Variants in ZCCHC7 observed in about 807,000 individuals in gnomAD.
ZCCHC7 encodes zinc finger CCHC domain-containing protein 7.
A neutral mutation model predicts 52.0 loss-of-function variants in ZCCHC7; 35 were observed. The ratio of observed to expected loss-of-function variants is 0.67; its 90% confidence interval spans 0.51 to 0.89. ZCCHC7 has a LOEUF of 0.89. ZCCHC7 is among the 40% of genes least tolerant of loss of function. The probability of loss-of-function intolerance (pLI) is 0.00; values close to 1 mark genes in which losing one functional copy is unlikely to be tolerated. For synonymous variants in ZCCHC7, 217 were observed against 221.5 expected (o/e 0.98, Z 0.18); for missense variants, 574 against 649.1 (o/e 0.88, Z 1.26).
intron 2 of ZCCHC7, among the ~76,000 whole-genome samples, chr9:37,251,930 T>G (rs1382472074): frequency 2.0e-5 from 3 of 152,210 alleles, no homozygotes; most frequent in Non-Finnish European, 4.4e-5. Context: ...CTTACATTAG[T>G]GTTTTTAATT....
intron 6 of ZCCHC7, among the ~76,000 whole-genome samples, chr9:37,339,680 A>G (rs1056510614): frequency 2.0e-5 from 3 of 152,200 alleles, no homozygotes; most frequent in Non-Finnish European, 4.4e-5. Context: ...TACCTCAGGT[A>G]TTTAATATAT....
intron 5 of ZCCHC7, 79 bp downstream of exon 5, chr9:37,305,793 CTA>C: frequency 6.7e-7 from 1 of 1,486,834 alleles, no homozygotes; most frequent in Admixed American, 1.8e-5. Context: ...AAGTTTATAA[CTA>C]TCAGTCAGCA....
chr9:37,217,590 GAAA>G (rs568328057), intron 2 of ZCCHC7, among the ~76,000 whole-genome samples: 180 of 151,788 alleles, frequency 1.2e-3, no homozygotes, highest in Non-Finnish European at 2.2e-3. Flanking sequence ...TCCTTCAGCT[GAAA>G]AAAAATCCGT....
chr9:37,339,992 G>A (rs1475804565), intron 6 of ZCCHC7, among the ~76,000 whole-genome samples: 2 of 152,096 alleles, frequency 1.3e-5, no homozygotes, highest in African/African-American at 2.4e-5. Flanking sequence ...GGCAGCTCTA[G>A]CATTTTGATC....
chr9:37,290,087 AAT>A (rs1049936209), intron 2 of ZCCHC7, among the ~76,000 whole-genome samples: 40 of 152,198 alleles, frequency 2.6e-4, no homozygotes, highest in Admixed American at 1.7e-3. Context: ...TTACATATTT[AAT>A]ATGTTTGGTT....
chr9:37,283,931 A>G (rs890315953), intron 2 of ZCCHC7, among the ~76,000 whole-genome samples: 2 of 145,660 alleles, frequency 1.4e-5, no homozygotes, highest in African/African-American at 2.5e-5. Flanking sequence ...TGAGCTGCTT[A>G]TTTTTTTTTT....
chr9:37,258,308 A>T (rs1826690318), intron 2 of ZCCHC7, among the ~76,000 whole-genome samples: 1 of 152,140 alleles, frequency 6.6e-6, no homozygotes, highest in African/African-American at 2.4e-5. Context: ...AACATGTGAG[A>T]TAAGATATCT....
intron 2 of ZCCHC7, chr9:37,205,016 A>G (rs1823828794): frequency 6.5e-6 from 1 of 154,788 alleles, no homozygotes; most frequent in Non-Finnish European, 1.4e-5. Context: ...TCTTTAAGAT[A>G]TGTTTGGGTC....
intron 2 of ZCCHC7, among the ~76,000 whole-genome samples, chr9:37,282,343 C>T (rs1827997148): frequency 6.6e-6 from 1 of 152,058 alleles, no homozygotes; most frequent in South Asian, 2.1e-4. Context: ...GTGGCTCACG[C>T]CTGTAATCCC....
chr9:37,289,902 C>T (rs1828452861), intron 2 of ZCCHC7, among the ~76,000 whole-genome samples: 1 of 152,184 alleles, frequency 6.6e-6, no homozygotes, highest in Non-Finnish European at 1.5e-5. Flanking sequence ...GCCTAGAATG[C>T]TCTTACCGCA....
intron 2 of ZCCHC7, among the ~76,000 whole-genome samples, chr9:37,171,724 C>T (rs1393751992): frequency 6.6e-6 from 1 of 152,196 alleles, no homozygotes; most frequent in African/African-American, 2.4e-5. Context: ...TTCTTCCCTG[C>T]AGATACCATT....
intron 2 of ZCCHC7, among the ~76,000 whole-genome samples, chr9:37,131,443 C>G (rs563737337): frequency 5.9e-5 from 9 of 151,594 alleles, no homozygotes; most frequent in Non-Finnish European, 1.5e-5. Context: ...GTCAGGAGTT[C>G]GAGACCAGCC....
intron 1 of ZCCHC7, 125 bp downstream of exon 1, chr9:37,120,748 C>A (rs555291791): frequency 1.4e-5 from 5 of 349,570 alleles, no homozygotes; most frequent in Non-Finnish European, 2.1e-5. Flanking sequence ...TCCCGTCCGC[C>A]CCTCACTCGT....
chr9:37,199,871 A>C (rs933547264), intron 2 of ZCCHC7, among the ~76,000 whole-genome samples: 1 of 150,866 alleles, frequency 6.6e-6, no homozygotes, highest in East Asian at 2.0e-4. Context: ...CGCCCGGCTA[A>C]TTTTTTGTAT....
At chr9:37,151,641 C>A (rs542107543) in intron 2 of ZCCHC7, among the ~76,000 whole-genome samples, 2 of 152,042 alleles carry the variant, frequency 1.3e-5, no homozygotes, top group South Asian at 4.2e-4. Flanking sequence ...CCTGTTTCTA[C>A]TAAAAATACA....
At chr9:37,130,189 GATTGCACC>G (rs1425283878) in intron 2 of ZCCHC7, among the ~76,000 whole-genome samples, 5 of 146,534 alleles carry the variant, frequency 3.4e-5, no homozygotes, top group Non-Finnish European at 7.4e-5. Context: ...AGTGAGCTGA[GATTGCACC>G]ATTGCACTCC....
chr9:37,206,746 A>G (rs888550323), intron 2 of ZCCHC7, among the ~76,000 whole-genome samples: 4 of 152,094 alleles, frequency 2.6e-5, no homozygotes, highest in African/African-American at 7.2e-5. Context: ...TTGACACTCA[A>G]TTACGTAGAT....
chr9:37,269,761 G>A (rs150676364), intron 2 of ZCCHC7, among the ~76,000 whole-genome samples: 3 of 151,942 alleles, frequency 2.0e-5, no homozygotes, highest in African/African-American at 7.2e-5. Context: ...ACAGAACTTG[G>A]TATGGAACTA....
At chr9:37,268,855 C>A (rs1827246880) in intron 2 of ZCCHC7, among the ~76,000 whole-genome samples, 1 of 152,178 alleles carries the variant, frequency 6.6e-6, no homozygotes, top group African/African-American at 2.4e-5. Context: ...GGTCTTTCAA[C>A]AAATGTATTG....
Sources: gnomAD v4.1 joint callset for allele counts (sites outside exome capture counted in the v4.1 genomes callset) on GRCh38, gnomAD v4.1.1 for gene constraint, MANE v1.5 for transcripts, NCBI Gene and HGNC (gene_info 2026-07-23, HGNC 2026-07-21) for gene names.